ADAMTS9: variants seen among roughly 807,000 people sequenced by gnomAD.
ADAMTS9 encodes the protein A disintegrin and metalloproteinase with thrombospondin motifs 9.
ADAMTS9 carries 107 observed loss-of-function variants against 257.1 expected under a neutral mutation model. The ratio of observed to expected loss-of-function variants is 0.42; its 90% confidence interval spans 0.36 to 0.49. ADAMTS9 has a LOEUF of 0.49. ADAMTS9 is among the 20% of genes least tolerant of loss of function. The pLI is 0.03. For synonymous variants in ADAMTS9, 982 were observed against 880.9 expected, an observed-to-expected ratio of 1.11 and a Z score of -2.03; for missense variants, 2,353 against 2,469.1, an observed-to-expected ratio of 0.95 and a Z score of 1.00.
In ADAMTS9 at chr3:64,621,147, A is replaced by G; in HGVS notation, c.2780T>C (p.Ile927Thr). 1 of 1,613,890 alleles carries G rather than the reference A, an allele frequency of 6.2e-7. No homozygotes were observed. Among genetic ancestry groups the G allele is most frequent in the Non-Finnish European group, 8.5e-7 (1 of 1,179,868 alleles). The part of the protein sequence containing the change: ...RCDRLPQPGH[I>T]TEPCGTDCDL... ...ACAGTCTGTACCACAGGGTTCAGTA[A>G]TGTGTCCAGGCTGGGGCAGCCGATC... The change falls in exon 19 of 40, where the codon ATT (isoleucine) becomes ACT (threonine). Residue 927 changes from isoleucine to threonine, a missense_variant. By Grantham distance (89) the Ile-to-Thr change is moderately conservative. Transcript: ENST00000498707.
intron 8 of ADAMTS9, among the ~76,000 whole-genome samples, chr3:64,653,506 T>G (rs1025904636): frequency 6.6e-6 from 1 of 152,194 alleles, no homozygotes; most frequent in South Asian, 2.1e-4. Context: ...TCTCCCTCTG[T>G]GCCTCGTACA....
chr3:64,543,385 C>G (rs779020708), intron 32 of ADAMTS9, among the ~76,000 whole-genome samples: 2 of 152,064 alleles, frequency 1.3e-5, no homozygotes, highest in African/African-American at 2.4e-5. Context: ...ACTGGCAAAC[C>G]GAATCCAGCA....
chr3:64,567,295 C>A (rs940858433), intron 29 of ADAMTS9, among the ~76,000 whole-genome samples: 1 of 152,142 alleles, frequency 6.6e-6, no homozygotes, highest in Non-Finnish European at 1.5e-5. Flanking sequence ...TGCTAGAGCC[C>A]GCCAACCTTG....
At position 64,686,368 on chromosome 3, in the gene ADAMTS9, C is replaced by A. The variant is rs1015540372; in HGVS notation, c.516+200G>T. Among the ~76,000 whole-genome samples the A allele has an allele frequency of 6.6e-6, 1 of 152,238 alleles. No individual in the cohort carries two copies. The highest frequency in any genetic ancestry group is 1.5e-5 in the Non-Finnish European group (1 of 68,046). ...TGAAACATCCAGAAGCCCCTGGGGG[C>A]GGGTGTGTGCGCTCCACGCCAGTGT... On this transcript the variant is annotated intron_variant, in intron 2 of 39. Coordinates refer to ENST00000498707, the MANE Select transcript of ADAMTS9 (RefSeq NM_182920.2). The surrounding 1 kb of genome is among the most constrained non-coding windows in gnomAD (Gnocchi z 4.6).
chr3:64,651,196 A>G, intron 8 of ADAMTS9, 33 bp from the exon 9 acceptor site: 1 of 1,539,216 alleles, frequency 6.5e-7, no homozygotes, highest in Non-Finnish European at 8.7e-7. Flanking sequence ...GAGAATGTCA[A>G]TAAACACCAA....
At chr3:64,639,378 T>C (rs912494783) in intron 12 of ADAMTS9, among the ~76,000 whole-genome samples, 1 of 147,088 alleles carries the variant, frequency 6.8e-6, no homozygotes, top group Non-Finnish European at 1.5e-5. Context: ...TTGAGGTCTT[T>C]AATGATCGGT....
rs756738744 is a variant in ADAMTS9, at chr3:64,541,839, G to C, written c.5196C>G (p.Asn1732Lys). The C allele has an allele frequency of 6.2e-7, 1 of 1,614,186 alleles. No individual in the cohort carries two copies. Among genetic ancestry groups the C allele is most frequent in the South Asian group, 1.1e-5 (1 of 91,068 alleles). Residue 1732 changes from asparagine to lysine, a missense_variant and splice_region_variant, in exon 33 of 40, where the codon AAC (asparagine) becomes AAG (lysine). This residue lies in a region of ADAMTS9 where 1,402 missense variants were observed against 1,441.4 expected (regional missense o/e 0.97). Transcript: ENST00000498707. ...GATAACTTCAGTTGGCCAACTTACA[G>C]TTATAGACATTACGGCAGGTTTTTC... ...EERKTCRNVYNCELPQNCKEV... is the reference protein window; with the variant it reads ...EERKTCRNVYKCELPQNCKEV...
At chr3:64,544,517 G>A (rs1300804273) in intron 32 of ADAMTS9, among the ~76,000 whole-genome samples, 1 of 152,172 alleles carries the variant, frequency 6.6e-6, no homozygotes, top group South Asian at 2.1e-4. Context: ...ATGGGGAAAG[G>A]ATTCCCTATT....
intron 11 of ADAMTS9, among the ~76,000 whole-genome samples, chr3:64,646,145 C>T (rs1280804323): frequency 2.6e-5 from 4 of 152,134 alleles, no homozygotes; most frequent in Admixed American, 2.6e-4. Flanking sequence ...AGGTTAAGAA[C>T]CACAACTAAA....
intron 38 of ADAMTS9, among the ~76,000 whole-genome samples, chr3:64,524,123 T>C (rs1465161257): frequency 6.6e-6 from 1 of 152,210 alleles, no homozygotes; most frequent in Non-Finnish European, 1.5e-5. Context: ...GTCTTCTCTA[T>C]TACACACAAA....
chr3:64,668,764 T>C (rs991021914), intron 3 of ADAMTS9, among the ~76,000 whole-genome samples: 9 of 152,180 alleles, frequency 5.9e-5, no homozygotes, highest in Non-Finnish European at 1.2e-4. Context: ...GCCTGCTATC[T>C]GACATTTCAC....
intron 30 of ADAMTS9, among the ~76,000 whole-genome samples, chr3:64,555,996 G>T (rs1405517070): frequency 6.6e-6 from 1 of 152,164 alleles, no homozygotes. Context: ...GGCTCTGTGC[G>T]CACATCAAAA....
At chr3:64,638,290 C>G (rs1700550958) in intron 12 of ADAMTS9, among the ~76,000 whole-genome samples, 1 of 152,142 alleles carries the variant, frequency 6.6e-6, no homozygotes, top group African/African-American at 2.4e-5. Flanking sequence ...CAAGGAAGCT[C>G]TGAGCCAAAT....
chr3:64,607,833 C>A (rs933492939), intron 22 of ADAMTS9, among the ~76,000 whole-genome samples: 1 of 152,106 alleles, frequency 6.6e-6, no homozygotes, highest in African/African-American at 2.4e-5. Flanking sequence ...ACCCACCTAC[C>A]ACACTACATA....
In ADAMTS9 at chr3:64,541,523, C is replaced by T. The variant is rs1436180126; in HGVS notation, c.5292+3G>A. On this transcript the variant is annotated splice_donor_region_variant and intron_variant, in intron 34 of 39. Coordinates refer to ENST00000498707, the MANE Select transcript of ADAMTS9 (RefSeq NM_182920.2). Reference sequence around the variant, plus strand: ...GAAATAATGACTGGTGTCTGACATTCACCTTCAGAAGCTTTCCTCTAATCA... The same window carrying T: ...GAAATAATGACTGGTGTCTGACATTTACCTTCAGAAGCTTTCCTCTAATCA... The T allele has an allele frequency of 5.6e-6, 9 of 1,613,246 alleles. No homozygotes were observed. Among genetic ancestry groups the T allele is most frequent in the Non-Finnish European group, 7.6e-6 (9 of 1,179,310 alleles).
intron 38 of ADAMTS9, among the ~76,000 whole-genome samples, chr3:64,530,292 AT>A (rs35298510): frequency 0.27 from 41,202 of 151,800 alleles, 7,010 homozygotes; most frequent in Non-Finnish European, 0.38. Context: ...AGGAAATACA[AT>A]ATACTAGCAT....
intron 32 of ADAMTS9, among the ~76,000 whole-genome samples, chr3:64,545,088 T>C (rs946829309): frequency 7.2e-5 from 11 of 152,120 alleles, no homozygotes; most frequent in African/African-American, 2.2e-4. Flanking sequence ...GAATGGCGAT[T>C]ATTAAAAAGT....
intron 26 of ADAMTS9, among the ~76,000 whole-genome samples, chr3:64,600,651 T>C (rs2084443264): frequency 6.6e-6 from 1 of 152,214 alleles, no homozygotes; most frequent in South Asian, 2.1e-4. Context: ...CACCTTTTAC[T>C]TTCTCAGAAC....
chr3:64,612,188 G>GTTTCCTTGAA (rs1195941371), intron 22 of ADAMTS9, among the ~76,000 whole-genome samples: 4 of 151,762 alleles, frequency 2.6e-5, no homozygotes. Context: ...CCCCTGAACT[G>GTTTCCTTGAA]CATGTTCAGT....
Sources: gnomAD v4.1 joint callset for allele counts (sites outside exome capture counted in the v4.1 genomes callset) on GRCh38, gnomAD v4.1.1 for gene constraint, gnomAD v4.1.1 regional missense constraint, Gnocchi (gnomAD v3.1) non-coding constraint, MANE v1.5 for transcripts, NCBI Gene and HGNC (gene_info 2026-07-23, HGNC 2026-07-21) for gene names.